The following PTCHD4 variants were observed in gnomAD, a reference collection of about 807,000 sequenced individuals.
PTCHD4 encodes the protein patched domain containing 4.
PTCHD4 carries 33 observed loss-of-function variants against 58.1 expected under a neutral mutation model. The ratio of observed to expected loss-of-function variants is 0.57; its 90% CI spans 0.43 to 0.76. PTCHD4 has a LOEUF of 0.76. Among genes scored for constraint, PTCHD4 ranks in the 30% least tolerant of loss-of-function variants. The pLI, the probability that PTCHD4 is intolerant of heterozygous loss-of-function variation, is 0.00. For missense variants in PTCHD4, 1,058 were observed against 1,027.1 expected (o/e 1.03, Z -0.41); for synonymous variants, 478 against 409.6 (o/e 1.17, Z -2.02).
chr6:47,974,815 G>T (rs1027326116), intron 4 of PTCHD4, among the ~76,000 whole-genome samples: 1 of 152,306 alleles, frequency 6.6e-6, no homozygotes, highest in South Asian at 2.1e-4. Context: ...TGGCAAGCAA[G>T]GAAGTTGGAC....
intron 3 of PTCHD4, among the ~76,000 whole-genome samples, chr6:48,045,050 G>T (rs111788257): frequency 7.7e-4 from 117 of 151,756 alleles, no homozygotes; most frequent in African/African-American, 2.6e-3. Flanking sequence ...TTTTATGACA[G>T]CCCTTCCATC....
intron 1 of PTCHD4, among the ~76,000 whole-genome samples, chr6:48,071,586 A>G (rs1764975943): frequency 6.6e-6 from 1 of 152,230 alleles, no homozygotes; most frequent in African/African-American, 2.4e-5. Flanking sequence ...ACATTTCCTT[A>G]TAACCTATGC....
intron 3 of PTCHD4, among the ~76,000 whole-genome samples, chr6:48,054,220 G>A (rs981919511): frequency 6.6e-6 from 1 of 152,104 alleles, no homozygotes; most frequent in African/African-American, 2.4e-5. Flanking sequence ...CAAGTGAAAA[G>A]GAGTAAAAAT....
At chr6:47,984,034 T>C (rs2114016778) in intron 4 of PTCHD4, among the ~76,000 whole-genome samples, 1 of 152,318 alleles carries the variant, frequency 6.6e-6, no homozygotes, top group Admixed American at 6.5e-5. Context: ...GTGACAAACA[T>C]CATCAATAAG....
chr6:48,034,550 G>A (rs576454488), intron 3 of PTCHD4, among the ~76,000 whole-genome samples: 33 of 152,012 alleles, frequency 2.2e-4, no homozygotes, highest in Admixed American at 1.1e-3. Context: ...CAAGGCTGAG[G>A]GTGGAAAAAC....
chr6:48,006,276 G>C (rs929884887), intron 4 of PTCHD4, among the ~76,000 whole-genome samples: 2 of 152,142 alleles, frequency 1.3e-5, no homozygotes, highest in African/African-American at 2.4e-5. Context: ...CCTCACTGTG[G>C]CTTTTAGCAT....
intron 1 of PTCHD4, among the ~76,000 whole-genome samples, chr6:48,097,940 A>G (rs1248540026): frequency 6.6e-6 from 1 of 152,192 alleles, no homozygotes; most frequent in Admixed American, 6.5e-5. Context: ...AATTTCAGAA[A>G]GAGAAGGTAG....
rs935334160 is a variant in PTCHD4 at position 48,004,777 on chromosome 6, C to G, written c.898+3857G>C. 2.0e-5 allele frequency among the ~76,000 whole-genome samples: 3 copies of G among 152,044 alleles called. 1 individual carries two copies. The East Asian group carries it at 5.8e-4, about 29-fold the overall frequency. ...ACTAAAAATACAAAAATTAGCCAGG[C>G]GTGGTGGCACACGCCTATAGTCCCA... On this transcript the variant is annotated intron_variant, in intron 4 of 4. Coordinates refer to ENST00000339488, the MANE Select transcript of PTCHD4 (RefSeq NM_001384253.1).
At position 47,862,966 on chromosome 6, in the gene PTCHD4, C is replaced by A. The variant is rs909979990; in HGVS notation, c.*15337G>T. On this transcript the variant is annotated 3_prime_UTR_variant, in exon 5 of 5. Coordinates refer to ENST00000339488, the MANE Select transcript of PTCHD4 (RefSeq NM_001384253.1). ...ATGCTACTGGAACATTAATTTCACA[C>A]ATTGAGGGTAATTCAAAGAATAGGC... is the stretch of plus-strand genomic sequence containing the variant. Among the ~76,000 whole-genome samples, 1 of 151,892 alleles carries A rather than the reference C, an allele frequency of 6.6e-6. No homozygotes were observed. The highest frequency in any genetic ancestry group is 2.4e-5 in the African/African-American group (1 of 41,416).
chr6:47,901,643 A>G, intron 4 of PTCHD4: 1 of 1,124,890 alleles, frequency 8.9e-7, no homozygotes, highest in Non-Finnish European at 1.1e-6. Context: ...GGTTACAGAC[A>G]CACAGCTGTT....
chr6:47,915,119 T>A (rs10807384), intron 4 of PTCHD4, among the ~76,000 whole-genome samples: 96,851 of 151,892 alleles, frequency 0.64, 31,494 homozygotes, highest in East Asian at 0.78. Flanking sequence ...ACCTAATTAA[T>A]TGTCACAGGC....
intron 4 of PTCHD4, among the ~76,000 whole-genome samples, chr6:48,003,450 G>A (rs1381039938): frequency 6.6e-6 from 1 of 152,092 alleles, no homozygotes; most frequent in African/African-American, 2.4e-5. Flanking sequence ...GCCATATCTA[G>A]TCCCTCACTG....
At chr6:47,923,953 A>C (rs552073830) in intron 4 of PTCHD4, among the ~76,000 whole-genome samples, 1 of 152,166 alleles carries the variant, frequency 6.6e-6, no homozygotes, top group Non-Finnish European at 1.5e-5. Flanking sequence ...TGAGGCTAAC[A>C]TCACTCACAA....
chr6:47,859,373 G>T lies in PTCHD4; in HGVS notation c.*18930C>A, dbSNP rs1349789468. Among the ~76,000 whole-genome samples, 3 of 151,942 alleles carry T rather than the reference G, an allele frequency of 2.0e-5. No homozygotes were observed. The highest frequency in any genetic ancestry group is 7.2e-5 in the African/African-American group (3 of 41,402). ...TGATAAATATTTAAGGGAGTGCAGG[G>T]GTAGATGTTAATATTACCTAGCAAA... On this transcript the variant is annotated 3_prime_UTR_variant, in exon 5 of 5. Coordinates refer to ENST00000339488, the MANE Select transcript of PTCHD4 (RefSeq NM_001384253.1).
intron 1 of PTCHD4, among the ~76,000 whole-genome samples, chr6:48,105,552 G>T (rs970223237): frequency 6.6e-6 from 1 of 152,102 alleles, no homozygotes; most frequent in Non-Finnish European, 1.5e-5. Context: ...AGCGAAGCAA[G>T]AGCAAACACA....
At chr6:48,053,602 A>G (rs966907766) in intron 3 of PTCHD4, among the ~76,000 whole-genome samples, 2 of 152,164 alleles carry the variant, frequency 1.3e-5, no homozygotes, top group Non-Finnish European at 2.9e-5. Context: ...CATAATAAAT[A>G]TTTACCATGA....
Position 48,003,722 on chromosome 6 carries a change from A to T in PTCHD4, c.898+4912T>A, listed in dbSNP as rs117688825. 1.1e-3 allele frequency among the ~76,000 whole-genome samples: 169 copies of T among 152,300 alleles called. 1 individual carries two copies. The East Asian group carries it at 0.03, about 27-fold the overall frequency. ...CAGCTTTAATTTCACCCGAAGGTTA[A>T]TTCTCAGTGTCCTATATGACCTGAC... is the stretch of plus-strand genomic sequence containing the variant. On this transcript the variant is annotated intron_variant, in intron 4 of 4. Coordinates refer to ENST00000339488, the MANE Select transcript of PTCHD4 (RefSeq NM_001384253.1).
chr6:48,097,780 A>C (rs1198168756), intron 1 of PTCHD4, among the ~76,000 whole-genome samples: 2 of 152,206 alleles, frequency 1.3e-5, no homozygotes, highest in Non-Finnish European at 2.9e-5. Flanking sequence ...TGCTGTAGGA[A>C]GAAAAAAATC....
chr6:47,991,172 C>A (rs1205315981), intron 4 of PTCHD4, among the ~76,000 whole-genome samples: 1 of 151,914 alleles, frequency 6.6e-6, no homozygotes, highest in African/African-American at 2.4e-5. Flanking sequence ...TTCAATGAAT[C>A]CTCAGTGAGA....
Sources: allele counts gnomAD v4.1 joint callset (sites outside exome capture counted in the v4.1 genomes callset), GRCh38; gene constraint gnomAD v4.1.1; transcripts MANE v1.5; gene names NCBI Gene and HGNC (gene_info 2026-07-23, HGNC 2026-07-21).